The following RGS6 variants were observed in gnomAD, a reference collection of about 807,000 sequenced individuals.
RGS6 encodes the protein regulator of G protein signaling 6, also known as regulator of G-protein signaling 6.
In RGS6, 30 loss-of-function variants were observed where a neutral mutation model predicts 78.5. The ratio of observed to expected loss-of-function variants is 0.38; its 90% CI spans 0.29 to 0.52. RGS6 has a LOEUF of 0.52. RGS6 is among the 20% of genes least tolerant of loss of function. RGS6 has a pLI of 0.85. For missense variants in RGS6, 495 were observed against 609.7 expected (o/e 0.81, Z 1.98); for synonymous variants, 206 against 206.0 (o/e 1.00, Z 0.00).
chr14:72,109,932 A>T (rs768784724), intron 2 of RGS6, among the ~76,000 whole-genome samples: 22 of 152,206 alleles, frequency 1.4e-4, no homozygotes, highest in Non-Finnish European at 2.8e-4. Context: ...TGTAACTCCC[A>T]ATCCAAGACT....
chr14:71,960,715 A>T (rs2153036182), intron 1 of RGS6, among the ~76,000 whole-genome samples: 1 of 152,278 alleles, frequency 6.6e-6, no homozygotes, highest in African/African-American at 2.4e-5. Flanking sequence ...TCTTTCTGGG[A>T]TCAGATTATC....
At position 71,958,951 on chromosome 14, in the gene RGS6, A is replaced by G. The variant is rs189883844; in HGVS notation, c.-20-5821A>G. The stretch of plus-strand genomic sequence containing the variant: ...GTCCTTGGGCAAGTTTTTGGGAACC[A>G]CTGAATTCTAATCGATGTCCTAAAA... On this transcript the variant is annotated intron_variant, in intron 1 of 17. Coordinates refer to ENST00000553525, the MANE Select transcript of RGS6 (RefSeq NM_001204424.2). Among the ~76,000 whole-genome samples, 215 of 152,326 alleles carry G rather than the reference A, an allele frequency of 1.4e-3. 1 individual carries two copies. The highest frequency in any genetic ancestry group is 4.8e-3 in the African/African-American group (201 of 41,580).
chr14:72,306,115 G>A (rs557265555), intron 2 of RGS6, among the ~76,000 whole-genome samples: 1 of 152,294 alleles, frequency 6.6e-6, no homozygotes, highest in South Asian at 2.1e-4. Flanking sequence ...AAATCATACA[G>A]CCTCTAAGAA....
At chr14:72,596,130 G>A in the RGS6 span, among the ~76,000 whole-genome samples, 55,085 of 151,834 alleles carry the variant, frequency 0.36, 10,819 homozygotes, top group Non-Finnish European at 0.44. Context: ...TCGGTTCTGA[G>A]GTTCCGAAGC....
Position 72,171,989 on chromosome 14 carries a change from A to G in RGS6, c.85-180106A>G, listed in dbSNP as rs557137351. ...ACCACACTGCTCTCCTGCAGGGTCG[A>G]TGAGCTTGCCATGCCTCTTGGTCAT... On this transcript the variant is annotated intron_variant, in intron 2 of 17. Transcript: ENST00000553525. Among the ~76,000 whole-genome samples the G allele has an allele frequency of 1.1e-3, 173 of 152,244 alleles. 1 individual carries two copies. Among genetic ancestry groups the G allele is most frequent in the African/African-American group, 3.6e-3 (151 of 41,542 alleles).
At chr14:72,462,944 C>T (rs2095818597) in intron 6 of RGS6, among the ~76,000 whole-genome samples, 1 of 152,142 alleles carries the variant, frequency 6.6e-6, no homozygotes, top group African/African-American at 2.4e-5. Flanking sequence ...GATTGAGGTA[C>T]ATAATGATGT....
intron 2 of RGS6, among the ~76,000 whole-genome samples, chr14:72,331,928 A>T (rs909548631): frequency 6.6e-6 from 1 of 152,244 alleles, no homozygotes; most frequent in East Asian, 1.9e-4. Flanking sequence ...TATTCCAATT[A>T]TCTAATCTCT....
At chr14:72,004,615 C>T (rs1393357651) in intron 2 of RGS6, among the ~76,000 whole-genome samples, 3 of 152,168 alleles carry the variant, frequency 2.0e-5, no homozygotes, top group African/African-American at 7.2e-5. Context: ...GGGTGGATTT[C>T]TTGAGCTCAG....
At chr14:71,917,175 G>C in the RGS6 span, among the ~76,000 whole-genome samples, 5 of 152,138 alleles carry the variant, frequency 3.3e-5, no homozygotes, top group Admixed American at 6.5e-5. Flanking sequence ...ACCACCTTTA[G>C]TATTGGCAAT....
At chr14:72,335,922 A>G (rs2075943420) in intron 2 of RGS6, among the ~76,000 whole-genome samples, 1 of 152,080 alleles carries the variant, frequency 6.6e-6, no homozygotes, top group Admixed American at 6.5e-5. Flanking sequence ...TTTGATAATC[A>G]CCACAGCTTG....
chr14:72,541,346 A>G, intron 17 of RGS6: 1 of 1,350,714 alleles, frequency 7.4e-7, no homozygotes, highest in Non-Finnish European at 1.0e-6. Flanking sequence ...TTTAAACATT[A>G]TCTTGAATTT....
intron 2 of RGS6, among the ~76,000 whole-genome samples, chr14:72,279,515 G>A (rs1018105944): frequency 6.6e-6 from 1 of 152,110 alleles, no homozygotes; most frequent in Non-Finnish European, 1.5e-5. Context: ...AATATATAAG[G>A]CAGGAGATTC....
intron 2 of RGS6, among the ~76,000 whole-genome samples, chr14:72,235,188 C>G (rs771239431): frequency 6.6e-6 from 1 of 152,084 alleles, no homozygotes; most frequent in African/African-American, 2.4e-5. Flanking sequence ...TAGGAGTATG[C>G]GTGGATTGAA....
intron 2 of RGS6, among the ~76,000 whole-genome samples, chr14:72,054,288 C>A (rs919058055): frequency 1.1e-4 from 16 of 151,264 alleles, no homozygotes; most frequent in African/African-American, 3.6e-4. Flanking sequence ...TTTTGTTTTT[C>A]CTTCTTTCAT....
chr14:72,547,574 T>G (rs1191562676), intron 17 of RGS6, among the ~76,000 whole-genome samples: 1 of 152,150 alleles, frequency 6.6e-6, no homozygotes, highest in Non-Finnish European at 1.5e-5. Flanking sequence ...TGTGGCTAAA[T>G]GGGACACTGC....
chr14:72,065,358 A>C (rs999441788), intron 2 of RGS6, among the ~76,000 whole-genome samples: 2 of 152,356 alleles, frequency 1.3e-5, no homozygotes, highest in African/African-American at 4.8e-5. Context: ...GCTTTATCCC[A>C]AAACTATAGG....
intron 2 of RGS6, among the ~76,000 whole-genome samples, chr14:72,223,772 G>C (rs187849088): frequency 6.6e-6 from 1 of 152,154 alleles, no homozygotes; most frequent in Non-Finnish European, 1.5e-5. Flanking sequence ...GGTTCCATTC[G>C]GTCATTGTTA....
At chr14:72,420,931 G>A (rs541260123) in intron 3 of RGS6, 3 of 152,272 alleles carry the variant, frequency 2.0e-5, no homozygotes, top group Admixed American at 6.5e-5. Context: ...CCAGAGCAAC[G>A]GCGCCCCTTC....
intron 15 of RGS6, among the ~76,000 whole-genome samples, chr14:72,535,840 G>A (rs1195708663): frequency 6.6e-6 from 1 of 152,086 alleles, no homozygotes; most frequent in Non-Finnish European, 1.5e-5. Flanking sequence ...TAATTCCCTT[G>A]AGATTCATCC....
Sources: gnomAD v4.1 joint callset for allele counts (sites outside exome capture counted in the v4.1 genomes callset) on GRCh38, gnomAD v4.1.1 for gene constraint, MANE v1.5 for transcripts, NCBI Gene and HGNC (gene_info 2026-07-23, HGNC 2026-07-21) for gene names.